Variants in FRMD4A observed in about 807,000 individuals in gnomAD.
The protein encoded by FRMD4A is FERM domain-containing protein 4A.
Under a neutral mutation model 129.1 loss-of-function variants are expected in FRMD4A, and 29 were observed. The ratio of observed to expected loss-of-function variants is 0.22; its 90% CI spans 0.17 to 0.31. The LOEUF is 0.31. Ranked by LOEUF, FRMD4A falls within the 10% of genes least tolerant of loss-of-function variation. The pLI is 1.00. For missense variants in FRMD4A, 1,272 were observed against 1,375.8 expected (o/e 0.92, Z 1.19); for synonymous variants, 634 against 571.6 (o/e 1.11, Z -1.56).
intron 2 of FRMD4A, among the ~76,000 whole-genome samples, chr10:14,255,442 G>C (rs1844574530): frequency 1.3e-5 from 2 of 152,160 alleles, no homozygotes; most frequent in South Asian, 4.1e-4. Flanking sequence ...CAAAAGGGAA[G>C]ACCTGTAGAT....
At chr10:13,781,534 C>T (rs142310497) in intron 6 of FRMD4A, among the ~76,000 whole-genome samples, 2 of 151,924 alleles carry the variant, frequency 1.3e-5, no homozygotes, top group South Asian at 2.1e-4. Flanking sequence ...CAAAACACCA[C>T]ATCTGGCTAA....
At chr10:14,050,323 G>A (rs1834197585) in intron 2 of FRMD4A, among the ~76,000 whole-genome samples, 1 of 152,148 alleles carries the variant, frequency 6.6e-6, no homozygotes, top group South Asian at 2.1e-4. Flanking sequence ...CTGTGAGGTA[G>A]GTATGATTAT....
At chr10:14,182,988 G>A (rs557951502) in intron 2 of FRMD4A, among the ~76,000 whole-genome samples, 141 of 152,262 alleles carry the variant, frequency 9.3e-4, no homozygotes, top group South Asian at 5.2e-3. Flanking sequence ...ATGTTGGTGC[G>A]TGGGGCTGTC....
intron 4 of FRMD4A, among the ~76,000 whole-genome samples, chr10:13,798,266 G>T (rs2093167239): frequency 6.6e-6 from 1 of 151,994 alleles, no homozygotes; most frequent in Admixed American, 6.6e-5. Flanking sequence ...CAAAAAATTA[G>T]CTGGACCTGG....
chr10:13,681,744 T>A (rs1298388334), intron 15 of FRMD4A, among the ~76,000 whole-genome samples: 2 of 152,184 alleles, frequency 1.3e-5, no homozygotes. Context: ...CACTGCCGTT[T>A]ACCAGCTGTG....
intron 2 of FRMD4A, among the ~76,000 whole-genome samples, chr10:14,042,654 A>G (rs1281935861): frequency 6.6e-6 from 1 of 152,136 alleles, no homozygotes; most frequent in African/African-American, 2.4e-5. Flanking sequence ...CACAGGTTAT[A>G]CTTAGATAAG....
At chr10:14,185,853 T>A (rs1842125129) in intron 2 of FRMD4A, among the ~76,000 whole-genome samples, 1 of 152,068 alleles carries the variant, frequency 6.6e-6, no homozygotes, top group African/African-American at 2.4e-5. Flanking sequence ...ATGGCCAGGT[T>A]TCCCATAGAG....
chr10:14,231,447 C>A (rs28816457), intron 2 of FRMD4A, among the ~76,000 whole-genome samples: 10,969 of 152,088 alleles, frequency 0.072, 433 homozygotes, highest in Middle Eastern at 0.11. Flanking sequence ...GGTTCACACC[C>A]TTCTCCTGTC....
At position 14,004,742 on chromosome 10, in the gene FRMD4A, C is replaced by G. The variant is rs1017865279; in HGVS notation, c.46-145830G>C. On this transcript the variant is annotated intron_variant, in intron 2 of 24. Coordinates refer to ENST00000357447, the MANE Select transcript of FRMD4A (RefSeq NM_018027.5). ...GGCAGTGTGGATGAATAAACCGAAG[C>G]TGAGAAAGTTTGAGTCACTCTATCA... 2.0e-5 allele frequency among the ~76,000 whole-genome samples: 3 copies of G among 152,076 alleles called. 1 individual carries two copies. The highest frequency in any genetic ancestry group is 2.0e-4 in the Admixed American group (3 of 15,268).
At chr10:14,098,035 ATATATAAATTATTTAT>A (rs1433533732) in intron 2 of FRMD4A, among the ~76,000 whole-genome samples, 5 of 91,344 alleles carry the variant, frequency 5.5e-5, no homozygotes, top group Non-Finnish European at 7.7e-5. Flanking sequence ...ATTATAGATT[ATATATAAATTATTTAT>A]TATATAAATT....
At chr10:14,160,023 C>T (rs150233831) in intron 2 of FRMD4A, among the ~76,000 whole-genome samples, 97 of 152,298 alleles carry the variant, frequency 6.4e-4, no homozygotes, top group African/African-American at 2.1e-3. Context: ...GCACTCCAGC[C>T]TGGGCAACAG....
intron 2 of FRMD4A, among the ~76,000 whole-genome samples, chr10:14,147,989 T>C (rs1437332284): frequency 1.3e-5 from 2 of 152,218 alleles, no homozygotes; most frequent in African/African-American, 4.8e-5. Context: ...CCTCAAGGTG[T>C]TCTAGGATAA....
At chr10:13,945,039 G>A (rs566103275) in intron 2 of FRMD4A, among the ~76,000 whole-genome samples, 18 of 152,090 alleles carry the variant, frequency 1.2e-4, no homozygotes, top group Admixed American at 4.6e-4. Context: ...TCGCCCCTCC[G>A]GTCTCTCCAC....
intron 2 of FRMD4A, among the ~76,000 whole-genome samples, chr10:14,251,560 G>A (rs182218826): frequency 6.6e-6 from 1 of 152,316 alleles, no homozygotes; most frequent in Admixed American, 6.5e-5. Context: ...GATACTAAAT[G>A]ACTGTTATCT....
At chr10:13,912,623 A>G (rs6602693) in intron 2 of FRMD4A, among the ~76,000 whole-genome samples, 144,947 of 150,822 alleles carry the variant, frequency 0.96, 69,887 homozygotes, top group East Asian at 1. Context: ...CCGCCTCCCG[A>G]GTTCACGCCG....
At chr10:14,043,037 C>G (rs960873597) in intron 2 of FRMD4A, among the ~76,000 whole-genome samples, 1 of 150,830 alleles carries the variant, frequency 6.6e-6, no homozygotes, top group Non-Finnish European at 1.5e-5. Flanking sequence ...TGACAAAAAT[C>G]TATATATTTT....
chr10:13,682,195 G>A (rs11819477), intron 15 of FRMD4A, among the ~76,000 whole-genome samples: 2,686 of 152,186 alleles, frequency 0.018, 71 homozygotes, highest in African/African-American at 0.061. Flanking sequence ...CTGCACTCCA[G>A]CCTGGGCAAC....
At chr10:14,108,690 T>A (rs1837711658) in intron 2 of FRMD4A, among the ~76,000 whole-genome samples, 1 of 152,186 alleles carries the variant, frequency 6.6e-6, no homozygotes. Context: ...AAGGCTGGGT[T>A]TTCGCATAGG....
At chr10:13,784,049 GGAA>G (rs2092797628) in intron 5 of FRMD4A, among the ~76,000 whole-genome samples, 1 of 152,170 alleles carries the variant, frequency 6.6e-6, no homozygotes, top group Admixed American at 6.5e-5. Flanking sequence ...CATCTTGGAG[GGAA>G]GAAGGTTCTG....
Sources: gnomAD v4.1 joint callset for allele counts (sites outside exome capture counted in the v4.1 genomes callset) on GRCh38, gnomAD v4.1.1 for gene constraint, MANE v1.5 for transcripts, NCBI Gene and HGNC (gene_info 2026-07-23, HGNC 2026-07-21) for gene names.